The following CA10 variants were observed in gnomAD, a reference collection of about 807,000 sequenced individuals.
CA10 encodes carbonic anhydrase 10 (inactive), also known as carbonic anhydrase-related protein 10.
Under a neutral mutation model 44.2 loss-of-function variants are expected in CA10, and 14 were observed. That is an observed-to-expected ratio of 0.32 (90% CI 0.21 to 0.50). The LOEUF (loss-of-function observed/expected upper bound fraction) is 0.50, where lower values mean the gene tolerates loss of function less well. Ranked by LOEUF, CA10 falls within the 20% of genes least tolerant of loss-of-function variation. The probability of loss-of-function intolerance (pLI) is 0.99; values close to 1 mark genes in which losing one functional copy is unlikely to be tolerated. For missense variants in CA10, 350 were observed against 409.7 expected (o/e 0.85, Z 1.26); for synonymous variants, 159 against 141.6 (o/e 1.12, Z -0.87).
At chr17:52,037,109 C>T (rs1227449166) in intron 2 of CA10, among the ~76,000 whole-genome samples, 1 of 151,972 alleles carries the variant, frequency 6.6e-6, no homozygotes, top group Non-Finnish European at 1.5e-5. Context: ...ATGATGAGGT[C>T]AATTTTGGAA....
At chr17:52,123,257 T>C (rs911393085) in intron 1 of CA10, among the ~76,000 whole-genome samples, 1 of 151,676 alleles carries the variant, frequency 6.6e-6, no homozygotes, top group Non-Finnish European at 1.5e-5. Flanking sequence ...AGGTATACCA[T>C]GTTTTCACCT....
At chr17:52,115,001 G>T (rs903089622) in intron 1 of CA10, among the ~76,000 whole-genome samples, 2 of 152,170 alleles carry the variant, frequency 1.3e-5, no homozygotes, top group African/African-American at 4.8e-5. Flanking sequence ...TTTCTGACCT[G>T]CCCCACAAGT....
intron 4 of CA10, among the ~76,000 whole-genome samples, chr17:51,677,890 C>A (rs1317811805): frequency 2.8e-5 from 1 of 36,134 alleles, no homozygotes; most frequent in Non-Finnish European, 1.1e-4. Flanking sequence ...TATACACCCC[C>A]CCCCCCACCG....
chr17:51,747,541 T>C (rs1371303189), intron 4 of CA10, 92 bp downstream of exon 4: 8 of 1,025,358 alleles, frequency 7.8e-6, no homozygotes, highest in Non-Finnish European at 1.0e-5. Context: ...TTAGAGCGAA[T>C]CCCTTTGTTA....
intron 8 of CA10, among the ~76,000 whole-genome samples, 194 bp downstream of exon 8, chr17:51,633,282 A>G (rs946238998): frequency 1.3e-5 from 2 of 152,222 alleles, no homozygotes; most frequent in African/African-American, 4.8e-5. Flanking sequence ...ACCTAGATGC[A>G]TTCATACAGG....
chr17:52,046,476 T>C (rs2191402), intron 2 of CA10, among the ~76,000 whole-genome samples: 150,430 of 151,862 alleles, frequency 0.99, 74,523 homozygotes, highest in Non-Finnish European at 1. Flanking sequence ...TATATGAAAA[T>C]GACAAATTCC....
intron 2 of CA10, among the ~76,000 whole-genome samples, chr17:52,009,330 C>A (rs371624203): frequency 6.6e-6 from 1 of 151,784 alleles, no homozygotes; most frequent in Non-Finnish European, 1.5e-5. Flanking sequence ...CTATACAAAG[C>A]AAAACAATTT....
intron 1 of CA10, 85 bp from the exon 2 acceptor site, chr17:52,072,478 C>A: frequency 2.2e-6 from 2 of 928,494 alleles, no homozygotes; most frequent in South Asian, 1.4e-5. Context: ...GGTGAATATC[C>A]ATAAAATAAC....
At chr17:51,687,251 C>T (rs1915039606) in intron 4 of CA10, among the ~76,000 whole-genome samples, 1 of 152,206 alleles carries the variant, frequency 6.6e-6, no homozygotes, top group Admixed American at 6.5e-5. Flanking sequence ...CTTCACAGGG[C>T]TCACTGGGTC....
At chr17:51,875,519 A>G (rs555973269) in intron 3 of CA10, among the ~76,000 whole-genome samples, 1 of 152,296 alleles carries the variant, frequency 6.6e-6, no homozygotes, top group African/African-American at 2.4e-5. Context: ...GCTTTATGCA[A>G]TGGGGAAGAA....
intron 2 of CA10, among the ~76,000 whole-genome samples, chr17:51,933,017 C>T (rs574899549): frequency 4.5e-4 from 68 of 152,174 alleles, no homozygotes; most frequent in African/African-American, 9.1e-4. Context: ...TTGTCCGTAA[C>T]GCACACACAA....
intron 4 of CA10, among the ~76,000 whole-genome samples, chr17:51,659,576 C>A (rs548053100): frequency 7.2e-5 from 11 of 152,272 alleles, no homozygotes; most frequent in Non-Finnish European, 1.3e-4. Context: ...AGATGTAAAC[C>A]ATAGACGCCC....
chr17:52,108,169 T>C (rs894647385), intron 1 of CA10, among the ~76,000 whole-genome samples: 1 of 143,896 alleles, frequency 6.9e-6, no homozygotes, highest in East Asian at 2.0e-4. Context: ...TATATATTTT[T>C]AATATATTTT....
At chr17:51,813,715 T>C (rs893104591) in intron 3 of CA10, among the ~76,000 whole-genome samples, 4 of 152,114 alleles carry the variant, frequency 2.6e-5, no homozygotes, top group African/African-American at 4.8e-5. Context: ...AGCTTTCCCC[T>C]CCGAATGGCT....
intron 2 of CA10, among the ~76,000 whole-genome samples, chr17:51,967,397 A>C (rs1444034918): frequency 6.6e-6 from 1 of 151,616 alleles, no homozygotes; most frequent in South Asian, 2.1e-4. Flanking sequence ...TTGTATGTTC[A>C]TTGTAGCACT....
At chr17:52,090,159 A>T (rs1988221405) in intron 1 of CA10, among the ~76,000 whole-genome samples, 1 of 152,164 alleles carries the variant, frequency 6.6e-6, no homozygotes, top group Admixed American at 6.5e-5. Context: ...AAGATAGATA[A>T]ATCAGTAAGA....
chr17:51,869,178 ATAT>A (rs1429680798), intron 3 of CA10, among the ~76,000 whole-genome samples: 2 of 152,174 alleles, frequency 1.3e-5, no homozygotes, highest in African/African-American at 4.8e-5. Context: ...CAAGAAGAAA[ATAT>A]TAATAAGATT....
At chr17:51,716,703 A>T (rs1916124960) in intron 4 of CA10, among the ~76,000 whole-genome samples, 1 of 152,152 alleles carries the variant, frequency 6.6e-6, no homozygotes, top group Non-Finnish European at 1.5e-5. Context: ...GGAATTATTT[A>T]AGCATGTGCC....
chr17:51,767,981 A>T (rs543231034), intron 3 of CA10, among the ~76,000 whole-genome samples: 26 of 152,154 alleles, frequency 1.7e-4, no homozygotes, highest in African/African-American at 5.5e-4. Flanking sequence ...TACAGACTTT[A>T]TTTGGATCTT....
Sources: gnomAD v4.1 joint callset for allele counts (sites outside exome capture counted in the v4.1 genomes callset) on GRCh38, gnomAD v4.1.1 for gene constraint, MANE v1.5 for transcripts, NCBI Gene and HGNC (gene_info 2026-07-23, HGNC 2026-07-21) for gene names.